Variants in PTPRG observed in about 807,000 individuals in gnomAD.
PTPRG encodes protein tyrosine phosphatase receptor type G, also known as receptor-type tyrosine-protein phosphatase gamma.
PTPRG carries 102 observed loss-of-function variants against 165.3 expected under a neutral mutation model. The ratio of observed to expected loss-of-function variants is 0.62; its 90% CI spans 0.53 to 0.73. The LOEUF (loss-of-function observed/expected upper bound fraction) is 0.73, where lower values mean the gene tolerates loss of function less well. PTPRG is among the 30% of genes least tolerant of loss of function. The probability of loss-of-function intolerance (pLI) is 0.00; values close to 1 mark genes in which losing one functional copy is unlikely to be tolerated. For synonymous variants in PTPRG, 675 were observed against 669.5 expected (o/e 1.01, Z -0.13); for missense variants, 1,866 against 1,861.4 (o/e 1.00, Z -0.05).
chr3:62,085,016 G>A (rs768065162), intron 5 of PTPRG, among the ~76,000 whole-genome samples: 2 of 152,130 alleles, frequency 1.3e-5, no homozygotes, highest in Non-Finnish European at 2.9e-5. Flanking sequence ...ATAGGCATTA[G>A]GGGGTAGAGC....
At chr3:62,090,834 A>G (rs985593174) in intron 5 of PTPRG, among the ~76,000 whole-genome samples, 4 of 152,158 alleles carry the variant, frequency 2.6e-5, no homozygotes, top group African/African-American at 9.7e-5. Context: ...TCTGAAATCC[A>G]TGTCTGAGGT....
At chr3:62,286,638 G>A (rs1189042992) in intron 28 of PTPRG, among the ~76,000 whole-genome samples, 1 of 151,916 alleles carries the variant, frequency 6.6e-6, no homozygotes, top group African/African-American at 2.4e-5. Context: ...GTAAATAAAG[G>A]CAGGGAAAGA....
intron 6 of PTPRG, among the ~76,000 whole-genome samples, chr3:62,156,630 T>C (rs6795865): frequency 0.051 from 7,728 of 152,240 alleles, 614 homozygotes; most frequent in African/African-American, 0.17. Context: ...GTCCCAAAGT[T>C]TGTTCCACTG....
At position 61,571,819 on chromosome 3, in the gene PTPRG, T is replaced by C. The variant is rs1427576075; in HGVS notation, c.85+9447T>C. On this transcript the variant is annotated intron_variant, in intron 1 of 29. Coordinates refer to ENST00000474889, the MANE Select transcript of PTPRG (RefSeq NM_002841.4). ...CATAACTTCAGGAAAGGTCTGAGGGTGTTGTGTTTGGCAAGAAATGGCTTG... is the reference window on the plus strand; with the variant it reads ...CATAACTTCAGGAAAGGTCTGAGGGCGTTGTGTTTGGCAAGAAATGGCTTG... Among the ~76,000 whole-genome samples, 3 of 152,214 alleles carry C rather than the reference T, an allele frequency of 2.0e-5. No individual in the cohort carries two copies. The East Asian group carries it at 5.8e-4, about 29-fold the overall frequency.
Position 61,786,448 on chromosome 3 carries a change from C to T in PTPRG, c.190+37466C>T, listed in dbSNP as rs74619194. Among the ~76,000 whole-genome samples the T allele has an allele frequency of 1.7e-3, 253 of 152,096 alleles. 2 individuals carry two copies. Among genetic ancestry groups the T allele is most frequent in the African/African-American group, 5.8e-3 (241 of 41,498 alleles). Reference sequence around the variant, plus strand: ...CTCATGAGTTATTTCATCAGTTGGTCGCTAGTTATGGTTCTTTATCTTTCA... The same window carrying T: ...CTCATGAGTTATTTCATCAGTTGGTTGCTAGTTATGGTTCTTTATCTTTCA... On this transcript the variant is annotated intron_variant, in intron 2 of 29. Coordinates refer to ENST00000474889, the MANE Select transcript of PTPRG (RefSeq NM_002841.4).
At chr3:61,905,605 C>G (rs1468215065) in intron 2 of PTPRG, among the ~76,000 whole-genome samples, 1 of 152,200 alleles carries the variant, frequency 6.6e-6, no homozygotes, top group Non-Finnish European at 1.5e-5. Context: ...ATTTAAGCAT[C>G]TCCGGAGCAT....
Position 61,767,355 on chromosome 3 carries a change from A to G in PTPRG, c.190+18373A>G, listed in dbSNP as rs191324986. 1.8e-3 allele frequency among the ~76,000 whole-genome samples: 272 copies of G among 150,566 alleles called. 1 individual carries two copies. The highest frequency in any genetic ancestry group is 6.5e-3 in the African/African-American group (269 of 41,164). ...CTCTCATTTTGTTTTTGCTTATTCT[A>G]GTACATGATGATTTCCTTGTAGTAA... On this transcript the variant is annotated intron_variant, in intron 2 of 29. Transcript: ENST00000474889.
At chr3:61,958,856 TC>T (rs1192493464) in intron 2 of PTPRG, among the ~76,000 whole-genome samples, 28 of 152,294 alleles carry the variant, frequency 1.8e-4, no homozygotes, top group African/African-American at 6.7e-4. Flanking sequence ...AGAATGGAAA[TC>T]CACACGAACT....
At chr3:61,743,507 C>CTG (rs58642937) in intron 1 of PTPRG, among the ~76,000 whole-genome samples, 17,389 of 151,000 alleles carry the variant, frequency 0.12, 1,545 homozygotes, top group East Asian at 0.52. Flanking sequence ...CCATGGGTGT[C>CTG]TGTGTGTGTG....
chr3:61,858,567 A>AT (rs370523040), intron 2 of PTPRG, among the ~76,000 whole-genome samples: 11 of 152,142 alleles, frequency 7.2e-5, no homozygotes, highest in Non-Finnish European at 1.0e-4. Context: ...AGAAAAAGGC[A>AT]TTTTTTTAAA....
At chr3:61,905,534 A>G (rs528986584) in intron 2 of PTPRG, among the ~76,000 whole-genome samples, 1 of 152,348 alleles carries the variant, frequency 6.6e-6, no homozygotes, top group Non-Finnish European at 1.5e-5. Flanking sequence ...AACAGTTAGC[A>G]TACTTGCTTG....
intron 4 of PTPRG, among the ~76,000 whole-genome samples, chr3:62,034,520 TGA>T (rs1432002709): frequency 6.6e-6 from 1 of 152,232 alleles, no homozygotes; most frequent in Non-Finnish European, 1.5e-5. Flanking sequence ...GAGCCATGTG[TGA>T]GTCTGTTGGT....
chr3:62,029,419 G>A (rs1699690202), intron 4 of PTPRG, among the ~76,000 whole-genome samples: 1 of 152,272 alleles, frequency 6.6e-6, no homozygotes, highest in African/African-American at 2.4e-5. Flanking sequence ...GTGACCAGAG[G>A]TATCTGCTTA....
chr3:62,150,067 C>G (rs1233482488), intron 6 of PTPRG, among the ~76,000 whole-genome samples: 2 of 152,192 alleles, frequency 1.3e-5, no homozygotes, highest in East Asian at 3.9e-4. Context: ...ATGTTTCCTT[C>G]TCAGTGATCC....
At chr3:61,857,367 A>G (rs1265486640) in intron 2 of PTPRG, among the ~76,000 whole-genome samples, 1 of 152,132 alleles carries the variant, frequency 6.6e-6, no homozygotes, top group African/African-American at 2.4e-5. Flanking sequence ...GCAACATTCA[A>G]CAACTGGTAG....
chr3:61,809,859 G>A (rs2035522107), intron 2 of PTPRG, among the ~76,000 whole-genome samples: 1 of 152,168 alleles, frequency 6.6e-6, no homozygotes, highest in Non-Finnish European at 1.5e-5. Context: ...TTGAAGCTCT[G>A]TGCTCTCTTG....
At chr3:62,031,507 G>A (rs531688952) in intron 4 of PTPRG, among the ~76,000 whole-genome samples, 1 of 152,232 alleles carries the variant, frequency 6.6e-6, no homozygotes, top group South Asian at 2.1e-4. Context: ...TAATGAGTTT[G>A]GATTTTATTT....
At chr3:61,924,458 G>C (rs912662504) in intron 2 of PTPRG, among the ~76,000 whole-genome samples, 1 of 152,194 alleles carries the variant, frequency 6.6e-6, no homozygotes, top group African/African-American at 2.4e-5. Context: ...ATATTGAAGA[G>C]CCAGAGAAGG....
chr3:62,159,150 C>A (rs1376617010), intron 7 of PTPRG, among the ~76,000 whole-genome samples: 1 of 151,796 alleles, frequency 6.6e-6, no homozygotes, highest in Non-Finnish European at 1.5e-5. Context: ...CATGGCAAGA[C>A]CCCAATCTCT....
Sources: allele counts gnomAD v4.1 joint callset (sites outside exome capture counted in the v4.1 genomes callset), GRCh38; gene constraint gnomAD v4.1.1; transcripts MANE v1.5; gene names NCBI Gene and HGNC (gene_info 2026-07-23, HGNC 2026-07-21).